ADCY9: variants seen among roughly 807,000 people sequenced by gnomAD.
The protein encoded by ADCY9 is adenylate cyclase 9.
ADCY9 carries 50 observed loss-of-function variants against 101.5 expected under a neutral mutation model. The ratio of observed to expected loss-of-function variants is 0.49; its 90% CI spans 0.39 to 0.62. The LOEUF is 0.62. Ranked by LOEUF, ADCY9 falls within the 20% of genes least tolerant of loss-of-function variation. ADCY9 has a pLI of 0.00. For missense variants in ADCY9, 1,662 were observed against 1,800.4 expected (o/e 0.92, Z 1.39); for synonymous variants, 905 against 769.3 (o/e 1.18, Z -2.92).
At chr16:4,017,369 G>T (rs1159152641) in intron 2 of ADCY9, among the ~76,000 whole-genome samples, 1 of 150,156 alleles carries the variant, frequency 6.7e-6, no homozygotes, top group African/African-American at 2.4e-5. Context: ...TGTGGGCCAG[G>T]CATGGTGGCT....
intron 10 of ADCY9, among the ~76,000 whole-genome samples, chr16:3,969,614 T>TATATATATATA (rs1567414929): frequency 7.9e-5 from 4 of 50,720 alleles, no homozygotes; most frequent in Admixed American, 2.6e-4. Flanking sequence ...ATATATGTAT[T>TATATATATATA]TTTTTTTTTT....
chr16:4,009,376 C>G (rs1173300294), intron 2 of ADCY9, among the ~76,000 whole-genome samples: 5 of 152,162 alleles, frequency 3.3e-5, no homozygotes, highest in African/African-American at 1.2e-4. Flanking sequence ...TAGCCTCAGC[C>G]TCCTGAGTAG....
chr16:3,996,591 G>A (rs1285283893), intron 3 of ADCY9, among the ~76,000 whole-genome samples: 1 of 152,190 alleles, frequency 6.6e-6, no homozygotes, highest in East Asian at 1.9e-4. Flanking sequence ...AAAGGAAGCT[G>A]GAGGTGTGGA....
intron 2 of ADCY9, among the ~76,000 whole-genome samples, chr16:4,090,453 T>C (rs908008868): frequency 2.6e-5 from 4 of 151,972 alleles, no homozygotes; most frequent in Non-Finnish European, 5.9e-5. Context: ...TGTTTGGGAG[T>C]TGAGCTTTTT....
chr16:3,966,055 T>A lies in ADCY9; in HGVS notation c.3782A>T (p.Asp1261Val), dbSNP rs766932381. ...GCTGCCATCCACCTGGACGCGGATG[T>A]CTGGGGAGATGGACAGCTGGTGCTG... Reference protein sequence around the residue: ...IPQHQLSISPDIRVQVDGSIG... With the variant: ...IPQHQLSISPVIRVQVDGSIG... Residue 1261 changes from aspartate (D) to valine (V), a missense_variant, in exon 11 of 11, where the codon GAC becomes GTC. Asp to Val is a radical substitution (Grantham distance 152, BLOSUM62 -3). Coordinates refer to ENST00000294016, the MANE Select transcript of ADCY9 (RefSeq NM_001116.4). 1.9e-6 allele frequency: 3 copies of A among 1,614,226 alleles called. No individual in the cohort carries two copies.
intron 2 of ADCY9, among the ~76,000 whole-genome samples, chr16:4,021,566 G>A (rs1344113195): frequency 6.6e-6 from 1 of 152,218 alleles, no homozygotes; most frequent in Non-Finnish European, 1.5e-5. Context: ...CTCAGAGCTA[G>A]GAGAGTATCA....
At chr16:4,107,998 A>G (rs974117554) in intron 2 of ADCY9, among the ~76,000 whole-genome samples, 1 of 152,196 alleles carries the variant, frequency 6.6e-6, no homozygotes, top group Non-Finnish European at 1.5e-5. Context: ...CCACAAGCAT[A>G]AAGTTTGGCT....
At chr16:4,008,921 G>A (rs2056385203) in intron 2 of ADCY9, among the ~76,000 whole-genome samples, 1 of 152,126 alleles carries the variant, frequency 6.6e-6, no homozygotes, top group Non-Finnish European at 1.5e-5. Context: ...AGATGCCATC[G>A]AGAGGCGACG....
At chr16:4,079,810 A>C (rs2056890788) in intron 2 of ADCY9, among the ~76,000 whole-genome samples, 1 of 152,112 alleles carries the variant, frequency 6.6e-6, no homozygotes, top group Non-Finnish European at 1.5e-5. Context: ...AAAAGTCTAA[A>C]AACCTCATGT....
intron 3 of ADCY9, among the ~76,000 whole-genome samples, chr16:4,006,968 C>T (rs2056371296): frequency 6.6e-6 from 1 of 152,158 alleles, no homozygotes; most frequent in African/African-American, 2.4e-5. Context: ...TTTCAAGAGA[C>T]GTAGAAGTAT....
chr16:3,966,893 C>T lies in ADCY9; in HGVS notation c.2944G>A (p.Val982Met), dbSNP rs2056003115. The change falls in exon 11 of 11, where the codon GTG (valine) becomes ATG (methionine). Residue 982 changes from valine (V) to methionine (M), a missense_variant. Coordinates refer to ENST00000294016, the MANE Select transcript of ADCY9 (RefSeq NM_001116.4). ...AGCAGGAGAAAGAAGACGAGAACCA[C>T]CTCCTGGCCGATGAGGCTGGCGGGC... is the stretch of plus-strand genomic sequence containing the variant. ...RRPASLIGQE[V>M]VLVFFLLLLL... 6.2e-7 allele frequency: 1 copy of T among 1,614,108 alleles called. No homozygotes were observed. The highest frequency in any genetic ancestry group is 1.3e-5 in the African/African-American group (1 of 75,076).
chr16:4,106,587 G>C (rs2057078878), intron 2 of ADCY9, among the ~76,000 whole-genome samples: 1 of 152,196 alleles, frequency 6.6e-6, no homozygotes, highest in African/African-American at 2.4e-5. Flanking sequence ...CCTAAGCTCA[G>C]CTAGTCCAGA....
intron 2 of ADCY9, among the ~76,000 whole-genome samples, chr16:4,071,757 G>A (rs2141170001): frequency 6.6e-6 from 1 of 152,168 alleles, no homozygotes; most frequent in East Asian, 1.9e-4. Context: ...ATTTTAGTTG[G>A]CTTCTTAACA....
Position 3,979,257 on chromosome 16 carries a change from C to T in ADCY9, c.2538G>A (p.Glu846=). 2 of 1,613,880 alleles carry T rather than the reference C, an allele frequency of 1.2e-6. No individual in the cohort carries two copies. Among genetic ancestry groups the T allele is most frequent in the Non-Finnish European group, 1.7e-6 (2 of 1,179,948 alleles). The change falls in exon 8 of 11, where the codon GAG becomes GAA. Residue 846 remains glutamate, a synonymous_variant. Transcript: ENST00000294016. ...GGCGCTTGGTGCAGGCCATGACGTCCTCCAGGAAGAACACCATCCTGCGAG... is the reference window on the plus strand; with the variant it reads ...GGCGCTTGGTGCAGGCCATGACGTCTTCCAGGAAGAACACCATCCTGCGAG... ...AVSIRMVFFL[E]DVMACTKRLL... is the part of the protein sequence containing the mutation.
intron 6 of ADCY9, among the ~76,000 whole-genome samples, chr16:3,988,438 C>A (rs77192862): frequency 1.2e-5 from 1 of 83,448 alleles, no homozygotes; most frequent in Non-Finnish European, 2.4e-5. Flanking sequence ...AGTTCCCTTC[C>A]AGGGCAGGTG....
At chr16:4,078,482 A>G (rs1445696466) in intron 2 of ADCY9, among the ~76,000 whole-genome samples, 8 of 151,192 alleles carry the variant, frequency 5.3e-5, no homozygotes, top group African/African-American at 1.7e-4. Flanking sequence ...AAGATCACCT[A>G]AGCCTAGGAG....
At chr16:4,111,093 T>A (rs1567152623) in intron 2 of ADCY9, among the ~76,000 whole-genome samples, 1 of 152,216 alleles carries the variant, frequency 6.6e-6, no homozygotes, top group Non-Finnish European at 1.5e-5. Flanking sequence ...ACTACCCTTC[T>A]GCAAAGCCTG....
chr16:4,020,498 C>G (rs1181809465), intron 2 of ADCY9, among the ~76,000 whole-genome samples: 1 of 152,084 alleles, frequency 6.6e-6, no homozygotes, highest in Non-Finnish European at 1.5e-5. Flanking sequence ...GGAGAGTACC[C>G]TGTATATTAA....
intron 2 of ADCY9, among the ~76,000 whole-genome samples, chr16:4,033,661 C>T (rs764050509): frequency 1.3e-5 from 2 of 152,016 alleles, no homozygotes; most frequent in South Asian, 2.1e-4. Flanking sequence ...GTGATCCACC[C>T]GCCTCGGCCT....
Sources: allele counts gnomAD v4.1 joint callset (sites outside exome capture counted in the v4.1 genomes callset), GRCh38; gene constraint gnomAD v4.1.1; transcripts MANE v1.5; gene names NCBI Gene and HGNC (gene_info 2026-07-23, HGNC 2026-07-21).